Variants in AGBL4 observed in about 807,000 individuals in gnomAD.
AGBL4 encodes cytosolic carboxypeptidase 6.
Under a neutral mutation model 66.4 loss-of-function variants are expected in AGBL4, and 58 were observed. The ratio of observed to expected loss-of-function variants is 0.87; its 90% CI spans 0.71 to 1.09. The LOEUF is 1.09. Ranked by LOEUF, AGBL4 falls within the 50% of genes least tolerant of loss-of-function variation. AGBL4 has a pLI of 0.00. For missense variants in AGBL4, 579 were observed against 631.0 expected (o/e 0.92, Z 0.88); for synonymous variants, 234 against 222.9 (o/e 1.05, Z -0.44).
At chr1:49,993,123 A>G (rs1333582430) in intron 1 of AGBL4, among the ~76,000 whole-genome samples, 1 of 152,246 alleles carries the variant, frequency 6.6e-6, no homozygotes, top group East Asian at 1.9e-4. Flanking sequence ...GTTGATATGA[A>G]TACACTGATG....
chr1:49,617,093 G>C (rs768813318), intron 3 of AGBL4, among the ~76,000 whole-genome samples: 39 of 152,024 alleles, frequency 2.6e-4, no homozygotes, highest in Non-Finnish European at 5.4e-4. Flanking sequence ...CGCTTACATT[G>C]GCCCAGAAGT....
chr1:49,616,321 C>T (rs572898616), intron 3 of AGBL4, among the ~76,000 whole-genome samples: 8 of 152,126 alleles, frequency 5.3e-5, no homozygotes, highest in Non-Finnish European at 1.2e-4. Context: ...GGCTTTGGCA[C>T]AGTAGATCAC....
intron 1 of AGBL4, among the ~76,000 whole-genome samples, chr1:49,898,177 C>G (rs1428913326): frequency 6.6e-6 from 1 of 151,990 alleles, no homozygotes; most frequent in Non-Finnish European, 1.5e-5. Context: ...GAAGAGATAA[C>G]CCACTAAATG....
At chr1:49,607,417 G>C (rs1363403119) in intron 3 of AGBL4, among the ~76,000 whole-genome samples, 2 of 152,024 alleles carry the variant, frequency 1.3e-5, no homozygotes, top group East Asian at 3.9e-4. Context: ...AGTTAGTTCA[G>C]CACAGAGTCC....
chr1:49,366,601 C>T (rs1644246166), intron 3 of AGBL4, among the ~76,000 whole-genome samples: 2 of 152,144 alleles, frequency 1.3e-5, no homozygotes, highest in Non-Finnish European at 2.9e-5. Context: ...TTCTGAGACA[C>T]TTATCTGTAC....
intron 3 of AGBL4, among the ~76,000 whole-genome samples, chr1:49,399,733 T>C (rs1645045178): frequency 6.6e-6 from 1 of 152,160 alleles, no homozygotes; most frequent in Non-Finnish European, 1.5e-5. Flanking sequence ...GCTCCTTTTA[T>C]ATTCTGGTTA....
intron 3 of AGBL4, among the ~76,000 whole-genome samples, chr1:49,598,556 CTCTGATT>C (rs1420146447): frequency 5.3e-5 from 8 of 152,226 alleles, no homozygotes; most frequent in Admixed American, 2.0e-4. Flanking sequence ...GAATGCTGCT[CTCTGATT>C]GTTCCTCTGG....
intron 8 of AGBL4, among the ~76,000 whole-genome samples, chr1:48,638,256 C>T (rs557996058): frequency 6.6e-6 from 1 of 152,362 alleles, no homozygotes; most frequent in Non-Finnish European, 1.5e-5. Context: ...CGGAGTTGCA[C>T]AGAACAACAG....
At chr1:48,646,036 C>CATT (rs1190721915) in intron 8 of AGBL4, among the ~76,000 whole-genome samples, 3 of 152,054 alleles carry the variant, frequency 2.0e-5, no homozygotes, top group Non-Finnish European at 4.4e-5. Context: ...CTTGAATAAT[C>CATT]CTTCAGAGGG....
intron 3 of AGBL4, among the ~76,000 whole-genome samples, chr1:49,479,538 T>A (rs1314845152): frequency 6.6e-6 from 1 of 151,916 alleles, no homozygotes; most frequent in African/African-American, 2.4e-5. Flanking sequence ...GTCCCACTTA[T>A]AAGTGAGAAC....
At chr1:49,101,603 G>C (rs995630108) in intron 4 of AGBL4, among the ~76,000 whole-genome samples, 1 of 152,218 alleles carries the variant, frequency 6.6e-6, no homozygotes, top group Non-Finnish European at 1.5e-5. Context: ...AGAGGGATCT[G>C]TGTTTAAATC....
chr1:49,187,165 T>C (rs1647030973), intron 4 of AGBL4: 1 of 152,166 alleles, frequency 6.6e-6, no homozygotes, highest in South Asian at 2.1e-4. Context: ...GGGGCTTTAT[T>C]AGAATATTCT....
At chr1:49,596,829 AC>A (rs1167060038) in intron 3 of AGBL4, among the ~76,000 whole-genome samples, 2 of 152,108 alleles carry the variant, frequency 1.3e-5, no homozygotes, top group African/African-American at 4.8e-5. Flanking sequence ...ACTTCTCAAA[AC>A]CTTAAAAATG....
intron 4 of AGBL4, among the ~76,000 whole-genome samples, chr1:49,108,723 C>A (rs1292072919): frequency 3.3e-5 from 5 of 152,112 alleles, no homozygotes; most frequent in African/African-American, 1.2e-4. Context: ...GCATAATTAA[C>A]ATAACATGAA....
Position 48,817,935 on chromosome 1 carries a change from T to C in AGBL4, c.634+49256A>G, listed in dbSNP as rs769612787. ...TGAATGGTGGAGGCTGTGTAGTCAG[T>C]AGGCAAAAAGCTAATACGTTCCTGT... On this transcript the variant is annotated intron_variant, in intron 6 of 13. Transcript: ENST00000371839. 34 of 638,732 alleles carry C rather than the reference T, an allele frequency of 5.3e-5. No homozygotes were observed. In the Middle Eastern group the frequency reaches 1.3e-3, roughly 24 times the overall value. 39.6% of individuals were successfully genotyped at this position (638,732 alleles called of 1,614,324 possible). A position where few individuals can be genotyped will look rare whatever the true frequency, so the allele number is the denominator to read the frequency against.
intron 3 of AGBL4, among the ~76,000 whole-genome samples, chr1:49,554,003 A>C (rs1653192592): frequency 6.6e-6 from 1 of 152,090 alleles, no homozygotes; most frequent in South Asian, 2.1e-4. Context: ...AGCTGGCGTT[A>C]GTGGTGCAAT....
chr1:49,918,335 C>T (rs1651800368), intron 1 of AGBL4, among the ~76,000 whole-genome samples: 1 of 152,098 alleles, frequency 6.6e-6, no homozygotes, highest in Non-Finnish European at 1.5e-5. Context: ...TGATAGACCG[C>T]TAGCAAGACT....
intron 1 of AGBL4, among the ~76,000 whole-genome samples, chr1:49,883,335 G>A (rs969091190): frequency 3.3e-5 from 5 of 151,984 alleles, no homozygotes; most frequent in Non-Finnish European, 7.4e-5. Flanking sequence ...ACCTGTAGAC[G>A]TGCATAAAAT....
At chr1:49,151,587 AC>A (rs1457952911) in intron 4 of AGBL4, among the ~76,000 whole-genome samples, 1 of 151,396 alleles carries the variant, frequency 6.6e-6, no homozygotes, top group African/African-American at 2.4e-5. Context: ...AAAAAAAAAA[AC>A]CTGGTAATTC....
Sources: allele counts gnomAD v4.1 joint callset (sites outside exome capture counted in the v4.1 genomes callset), GRCh38; gene constraint gnomAD v4.1.1; transcripts MANE v1.5; gene names NCBI Gene and HGNC (gene_info 2026-07-23, HGNC 2026-07-21).